Variants in SLC4A8 observed in about 807,000 individuals in gnomAD.
SLC4A8 encodes electroneutral sodium bicarbonate exchanger 1.
Under a neutral mutation model 125.0 loss-of-function variants are expected in SLC4A8, and 40 were observed. The observed-to-expected ratio is 0.32, with a 90% confidence interval of 0.25 to 0.42. The LOEUF is 0.42. Ranked by LOEUF, SLC4A8 falls within the 10% of genes least tolerant of loss-of-function variation. The pLI, the probability that SLC4A8 is intolerant of heterozygous loss-of-function variation, is 1.00. For synonymous variants in SLC4A8, 456 were observed against 476.0 expected (o/e 0.96, Z 0.55); for missense variants, 863 against 1,355.1 (o/e 0.64, Z 5.70).
At chr12:51,461,517 G>T (rs887239190) in intron 9 of SLC4A8, 4 of 403,798 alleles carry the variant, frequency 9.9e-6, no homozygotes, top group African/African-American at 2.0e-5. Context: ...AGAATGCAGA[G>T]AAATCTTTTT....
chr12:51,502,877 C>T (rs1369031495), intron 22 of SLC4A8, among the ~76,000 whole-genome samples: 54 of 134,060 alleles, frequency 4.0e-4, no homozygotes, highest in Admixed American at 2.3e-3. Flanking sequence ...CTCGCTCTGT[C>T]GTCACCCAGG....
intron 18 of SLC4A8, 131 bp from the exon 19 acceptor site, chr12:51,489,569 T>C (rs1951253082): frequency 8.6e-7 from 1 of 1,162,666 alleles, no homozygotes; most frequent in African/African-American, 1.5e-5. Context: ...AAGACTCCTC[T>C]TGGATCCCTG....
At chr12:51,402,202 T>C (rs1948406742) in intron 1 of SLC4A8, among the ~76,000 whole-genome samples, 1 of 152,304 alleles carries the variant, frequency 6.6e-6, no homozygotes, top group South Asian at 2.1e-4. Flanking sequence ...TGAAAAGATA[T>C]TGGCTTCACT....
intron 1 of SLC4A8, among the ~76,000 whole-genome samples, chr12:51,395,833 T>C (rs1021996): frequency 0.91 from 138,845 of 152,274 alleles, 63,455 homozygotes; most frequent in Non-Finnish European, 0.94. Flanking sequence ...TAATGATACC[T>C]GGGGTTGTTA....
intron 16 of SLC4A8, among the ~76,000 whole-genome samples, chr12:51,481,839 C>A (rs1951038145): frequency 6.6e-6 from 1 of 151,844 alleles, no homozygotes; most frequent in Non-Finnish European, 1.5e-5. Context: ...GTAGTCCCAG[C>A]TACTCAGGAA....
intron 1 of SLC4A8, among the ~76,000 whole-genome samples, chr12:51,428,290 T>C (rs1365460130): frequency 6.6e-6 from 1 of 152,176 alleles, no homozygotes; most frequent in African/African-American, 2.4e-5. Flanking sequence ...TTCTTGTTTA[T>C]TATCATCTCA....
intron 16 of SLC4A8, among the ~76,000 whole-genome samples, chr12:51,476,032 C>T (rs1950843891): frequency 6.6e-6 from 1 of 152,182 alleles, no homozygotes; most frequent in African/African-American, 2.4e-5. Flanking sequence ...GAAGGGCCCC[C>T]TGAAGGCCTG....
rs4512904 is a variant in SLC4A8, at chr12:51,457,342, G to A, written c.575-9G>A. On this transcript the variant is annotated splice_polypyrimidine_tract_variant and intron_variant, in intron 5 of 24. Coordinates refer to ENST00000453097, the MANE Select transcript of SLC4A8 (RefSeq NM_001039960.3). Reference sequence around the variant, plus strand: ...AATCTGAGTGTTCATGTGAGTGCCTGCTTTCCAGACCTGATCCTGGATCAG... The same window carrying A: ...AATCTGAGTGTTCATGTGAGTGCCTACTTTCCAGACCTGATCCTGGATCAG... 0.54 allele frequency: 861,233 copies of A among 1,609,674 alleles called. 231,889 individuals are homozygous for A. Among genetic ancestry groups the A allele is most frequent in the African/African-American group, 0.58 (43,276 of 74,744 alleles).
chr12:51,426,850 G>A lies in SLC4A8; in HGVS notation c.48+1815G>A, dbSNP rs534883352. Reference sequence around the variant, plus strand: ...AAGGGGTTTAAGTAGAGGGGAAAGGGGAGAGAGGGGGTCTCTCCTAACCGG... The same window carrying A: ...AAGGGGTTTAAGTAGAGGGGAAAGGAGAGAGAGGGGGTCTCTCCTAACCGG... On this transcript the variant is annotated intron_variant, in intron 1 of 24. Coordinates refer to ENST00000453097, the MANE Select transcript of SLC4A8 (RefSeq NM_001039960.3). Among the ~76,000 whole-genome samples the A allele has an allele frequency of 2.0e-5, 3 of 152,186 alleles. No homozygotes were observed. In the South Asian group the frequency reaches 6.2e-4, roughly 32 times the overall value.
intron 1 of SLC4A8, among the ~76,000 whole-genome samples, chr12:51,429,668 A>C (rs114389439): frequency 0.012 from 1,776 of 150,572 alleles, 33 homozygotes; most frequent in African/African-American, 0.041. Flanking sequence ...ATGTCCAGCT[A>C]TTTTTTTTTA....
intron 1 of SLC4A8, chr12:51,407,673 G>A (rs1442005630): frequency 6.6e-6 from 1 of 152,208 alleles, no homozygotes; most frequent in African/African-American, 2.4e-5. Context: ...GCCCCTAACT[G>A]AATTGCTCAA....
rs10668768 is a variant in SLC4A8, at chr12:51,478,274, CA to C, written c.2172+3083del. On this transcript the variant is annotated intron_variant, in intron 16 of 24. Transcript: ENST00000453097. Reference sequence around the variant, plus strand: ...TGGGGGACAGAGCGAAACTCCGTCTCAAAAAAAAAAAAAAATTAGCTGGGCA... The same window carrying C: ...TGGGGGACAGAGCGAAACTCCGTCTCAAAAAAAAAAAAAATTAGCTGGGCA... Among the ~76,000 whole-genome samples, 420 of 133,622 alleles carry C rather than the reference CA, an allele frequency of 3.1e-3. 2 individuals are homozygous for C. Among genetic ancestry groups the C allele is most frequent in the Admixed American group, 5.2e-3 (70 of 13,380 alleles). The allele number at this position is 133,622 out of a possible 152,430, so 87.7% of individuals were successfully genotyped here. A position where few individuals can be genotyped will look rare whatever the true frequency, so the allele number is the denominator to read the frequency against.
intron 19 of SLC4A8, among the ~76,000 whole-genome samples, chr12:51,491,141 TG>T (rs1356055497): frequency 6.6e-6 from 1 of 151,996 alleles, no homozygotes. Flanking sequence ...GTATGATTTT[TG>T]TGAGGGGTGG....
Position 51,511,855 on chromosome 12 carries a change from A to T in SLC4A8, c.*4417A>T, listed in dbSNP as rs1331859020. ...CAGGGTATCCCACCTTTTTTGCAAC[A>T]TAGGCAGAAACACCAAGCTGTGGGT... On this transcript the variant is annotated 3_prime_UTR_variant, in exon 25 of 25. Coordinates refer to ENST00000453097, the MANE Select transcript of SLC4A8 (RefSeq NM_001039960.3). 2 of 152,136 alleles carry T rather than the reference A, an allele frequency of 1.3e-5. No homozygotes were observed. The highest frequency in any genetic ancestry group is 2.4e-5 in the African/African-American group (1 of 41,434). 9.4% of individuals were successfully genotyped at this position (152,136 alleles called of 1,614,324 possible).
rs191594545 is a variant in SLC4A8 at position 51,507,752 on chromosome 12, G to A, written c.*314G>A. On this transcript the variant is annotated 3_prime_UTR_variant, in exon 25 of 25. Coordinates refer to ENST00000453097, the MANE Select transcript of SLC4A8 (RefSeq NM_001039960.3). ...AGACCTAGCTTCCCATTTTCCAGAC[G>A]TTTTCTCTGAAATTCTCTGCTGGCC... 6.1e-5 allele frequency: 15 copies of A among 246,348 alleles called. No homozygotes were observed. Among genetic ancestry groups the A allele is most frequent in the Admixed American group, 4.4e-4 (8 of 18,178 alleles). 15.3% of individuals were successfully genotyped at this position (246,348 alleles called of 1,614,324 possible). A position where few individuals can be genotyped will look rare whatever the true frequency, so the allele number is the denominator to read the frequency against.
intron 1 of SLC4A8, chr12:51,403,338 C>T: frequency 2.3e-6 from 1 of 431,624 alleles, no homozygotes. Context: ...GCGTTACTTA[C>T]TCATTTCCAG....
At chr12:51,435,254 C>A (rs1949366026) in intron 1 of SLC4A8, among the ~76,000 whole-genome samples, 1 of 152,150 alleles carries the variant, frequency 6.6e-6, no homozygotes, top group African/African-American at 2.4e-5. Flanking sequence ...TCAGTACAAT[C>A]CATTGGGGAT....
chr12:51,433,937 C>T (rs1949311967), intron 1 of SLC4A8, among the ~76,000 whole-genome samples: 1 of 145,094 alleles, frequency 6.9e-6, no homozygotes. Context: ...GTTCAGCGTA[C>T]AAACACGGCT....
intron 1 of SLC4A8, among the ~76,000 whole-genome samples, chr12:51,407,415 C>A (rs938183030): frequency 1.3e-5 from 2 of 151,622 alleles, no homozygotes; most frequent in Non-Finnish European, 2.9e-5. Flanking sequence ...ATCACCATAC[C>A]TGGCTAATTA....
Sources: allele counts gnomAD v4.1 joint callset (sites outside exome capture counted in the v4.1 genomes callset), GRCh38; gene constraint gnomAD v4.1.1; transcripts MANE v1.5; gene names NCBI Gene and HGNC (gene_info 2026-07-23, HGNC 2026-07-21).